The following RELN variants were observed in gnomAD, a reference collection of about 807,000 sequenced individuals.
RELN encodes the protein reelin.
RELN carries 108 observed loss-of-function variants against 427.6 expected under a neutral mutation model. The observed-to-expected ratio is 0.25, with a 90% CI of 0.22 to 0.30. RELN has a LOEUF of 0.30. Ranked by LOEUF, RELN falls within the 10% of genes least tolerant of loss-of-function variation. The probability of loss-of-function intolerance (pLI) is 1.00; values close to 1 mark genes in which losing one functional copy is unlikely to be tolerated. For synonymous variants in RELN, 1,524 were observed against 1,513.4 expected, an observed-to-expected ratio of 1.01 and a Z score of -0.16; for missense variants, 3,715 against 4,302.8, an observed-to-expected ratio of 0.86 and a Z score of 3.82.
chr7:103,530,090 A>G (rs1829907190), intron 46 of RELN, among the ~76,000 whole-genome samples: 2 of 152,050 alleles, frequency 1.3e-5, no homozygotes, highest in South Asian at 2.1e-4. Flanking sequence ...AGCATTGCCT[A>G]TTACTCTATG....
At chr7:103,929,043 T>G (rs941465093) in intron 1 of RELN, among the ~76,000 whole-genome samples, 3 of 152,238 alleles carry the variant, frequency 2.0e-5, no homozygotes, top group Admixed American at 2.0e-4. Flanking sequence ...CATATCTTGT[T>G]GTGGGAAATC....
At chr7:103,559,423 A>C (rs535861054) in intron 36 of RELN, among the ~76,000 whole-genome samples, 1 of 152,218 alleles carries the variant, frequency 6.6e-6, no homozygotes, top group African/African-American at 2.4e-5. Context: ...GCCATGTAAA[A>C]GCCTTATATT....
At chr7:103,896,901 C>T (rs1238702630) in intron 2 of RELN, among the ~76,000 whole-genome samples, 1 of 151,990 alleles carries the variant, frequency 6.6e-6, no homozygotes, top group Admixed American at 6.6e-5. Flanking sequence ...TAAAGACATA[C>T]CTGAGACTGC....
chr7:103,659,837 T>C (rs1833099621), intron 12 of RELN, among the ~76,000 whole-genome samples: 1 of 152,184 alleles, frequency 6.6e-6, no homozygotes, highest in African/African-American at 2.4e-5. Flanking sequence ...CTCTGTGATT[T>C]AGGTGACATT....
intron 3 of RELN, among the ~76,000 whole-genome samples, chr7:103,776,845 C>T (rs557470175): frequency 6.6e-6 from 1 of 152,310 alleles, no homozygotes; most frequent in South Asian, 2.1e-4. Flanking sequence ...TATAAAGACA[C>T]TGTAACAGTT....
At chr7:103,535,872 T>C (rs1307165791) in intron 45 of RELN, among the ~76,000 whole-genome samples, 1 of 152,118 alleles carries the variant, frequency 6.6e-6, no homozygotes, top group African/African-American at 2.4e-5. Context: ...ATTATAGTGA[T>C]AGACTATATA....
chr7:103,509,504 C>T (rs1769639656), intron 51 of RELN, among the ~76,000 whole-genome samples: 1 of 152,152 alleles, frequency 6.6e-6, no homozygotes, highest in African/African-American at 2.4e-5. Flanking sequence ...AAAATTAACT[C>T]AAGATGGATT....
chr7:103,720,395 T>A (rs1384590439), intron 8 of RELN, among the ~76,000 whole-genome samples: 1 of 152,116 alleles, frequency 6.6e-6, no homozygotes, highest in Non-Finnish European at 1.5e-5. Context: ...ATTGTGGTTA[T>A]ACATGCCCAA....
At chr7:103,947,312 C>T (rs1015222085) in intron 1 of RELN, among the ~76,000 whole-genome samples, 17 of 152,096 alleles carry the variant, frequency 1.1e-4, no homozygotes, top group Non-Finnish European at 1.3e-4. Context: ...TGCTTAAGTC[C>T]TAATCCTCAA....
In RELN at chr7:103,561,575, T is replaced by C. The variant is rs1298920114; in HGVS notation, c.5486A>G (p.Asn1829Ser). ...TGTTCCAGATTTGATGGTTTCACCA[T>C]TCAGATTCCCCCTCTCTGCACCATA... is the stretch of plus-strand genomic sequence containing the variant. Reference protein sequence around the residue: ...EVYGAERGNLNGETIKSGTSL... With the variant: ...EVYGAERGNLSGETIKSGTSL... The change falls in exon 36 of 65, where the codon AAT becomes AGT. Residue 1829 changes from asparagine (N) to serine (S), a missense_variant. By Grantham distance (46) the Asn-to-Ser change is conservative. Around this residue, in one of 4 missense-constraint regions of RELN, gnomAD observed 2,208 missense variants for 2,361.7 expected, o/e 0.93. Coordinates refer to ENST00000428762, the MANE Select transcript of RELN (RefSeq NM_005045.4). The C allele has an allele frequency of 1.2e-6, 2 of 1,613,924 alleles. No individual in the cohort carries two copies. Among genetic ancestry groups the C allele is most frequent in the South Asian group, 1.1e-5 (1 of 91,078 alleles).
chr7:103,753,358 T>C, intron 4 of RELN, 144 bp from the exon 5 acceptor site: 1 of 728,662 alleles, frequency 1.4e-6, no homozygotes, highest in South Asian at 1.7e-5. Context: ...TTTAGGAGTT[T>C]CTGGAACCCT....
chr7:103,752,344 G>C (rs1791024179), intron 5 of RELN, among the ~76,000 whole-genome samples: 1 of 152,144 alleles, frequency 6.6e-6, no homozygotes, highest in African/African-American at 2.4e-5. Context: ...GGGCCACTAA[G>C]AGCATGACAT....
chr7:103,842,151 A>C (rs1332122413), intron 2 of RELN, among the ~76,000 whole-genome samples: 1 of 152,164 alleles, frequency 6.6e-6, no homozygotes, highest in Non-Finnish European at 1.5e-5. Flanking sequence ...TCTACATAAG[A>C]AGTGTAAGCT....
At chr7:103,556,627 C>G (rs993786539) in intron 38 of RELN, among the ~76,000 whole-genome samples, 5 of 152,058 alleles carry the variant, frequency 3.3e-5, no homozygotes, top group Admixed American at 3.3e-4. Context: ...GTGAATAAGT[C>G]TGATGAGATC....
chr7:103,867,696 A>AT (rs1250282875), intron 2 of RELN, among the ~76,000 whole-genome samples: 2 of 151,876 alleles, frequency 1.3e-5, no homozygotes, highest in Non-Finnish European at 2.9e-5. Flanking sequence ...GATTTAGCTT[A>AT]TTTTCCTCTG....
chr7:103,916,748 T>C (rs1795489745), intron 2 of RELN, among the ~76,000 whole-genome samples: 1 of 152,166 alleles, frequency 6.6e-6, no homozygotes, highest in Admixed American at 6.6e-5. Context: ...GATTACTGAA[T>C]GATTGCGTGG....
At position 103,603,378 on chromosome 7, in the gene RELN, T is replaced by C. The variant is rs1243933034; in HGVS notation, c.3259A>G (p.Ile1087Val). 4.3e-6 allele frequency: 7 copies of C among 1,613,840 alleles called. No individual in the cohort carries two copies. In the South Asian group the frequency reaches 4.4e-5, roughly 10 times the overall value. The change falls in exon 24 of 65, where the codon ATT (isoleucine) becomes GTT (valine). Residue 1087 changes from isoleucine to valine, a missense_variant. Transcript: ENST00000428762. This position sits in a 1 kb window ranked among gnomAD's most constrained non-coding sequence, Gnocchi z 4.3. ...NGWESDWQEV[I>V]GGEIVKPEQG... ...TCTGGTTTTACAATTTCTCCCCCAA[T>C]AACTTCTTGCCAGTCAGACTCCCAG...
chr7:103,743,228 T>C (rs898002754), intron 6 of RELN, among the ~76,000 whole-genome samples: 127 of 152,142 alleles, frequency 8.3e-4, no homozygotes, highest in Admixed American at 2.6e-4. Context: ...ATTTTGTCAC[T>C]ACCAGGCCTG....
chr7:103,969,176 A>C (rs1051818403), intron 1 of RELN, among the ~76,000 whole-genome samples: 1 of 152,164 alleles, frequency 6.6e-6, no homozygotes, highest in Non-Finnish European at 1.5e-5. Flanking sequence ...AAGATTAATA[A>C]ACTGGGGTTT....
Sources: allele counts gnomAD v4.1 joint callset (sites outside exome capture counted in the v4.1 genomes callset), GRCh38; gene constraint gnomAD v4.1.1; regional missense constraint gnomAD v4.1.1; non-coding constraint Gnocchi (gnomAD v3.1); transcripts MANE v1.5; gene names NCBI Gene and HGNC (gene_info 2026-07-23, HGNC 2026-07-21).